Variants in HS6ST3 observed in about 807,000 individuals in gnomAD.
The protein encoded by HS6ST3 is heparan-sulfate 6-O-sulfotransferase 3.
HS6ST3 carries 12 observed loss-of-function variants against 36.7 expected under a neutral mutation model. The observed-to-expected ratio is 0.33, with a 90% confidence interval of 0.21 to 0.53. The LOEUF is 0.53. Ranked by LOEUF, HS6ST3 falls within the 20% of genes least tolerant of loss-of-function variation. The pLI is 0.95. For synonymous variants in HS6ST3, 240 were observed against 257.5 expected, an observed-to-expected ratio of 0.93 and a Z score of 0.65; for missense variants, 584 against 640.9, an observed-to-expected ratio of 0.91 and a Z score of 0.96.
chr13:96,596,835 T>C (rs903569491), intron 1 of HS6ST3, among the ~76,000 whole-genome samples: 10 of 152,140 alleles, frequency 6.6e-5, no homozygotes, highest in African/African-American at 2.4e-4. Context: ...TCACTAAATG[T>C]ATACCCAAAG....
intron 1 of HS6ST3, among the ~76,000 whole-genome samples, chr13:96,589,486 T>A (rs1375609533): frequency 6.6e-6 from 1 of 152,082 alleles, no homozygotes; most frequent in Non-Finnish European, 1.5e-5. Context: ...AAAACACATT[T>A]TAGTTTTGTT....
chr13:96,691,264 A>G (rs1874949810), intron 1 of HS6ST3, among the ~76,000 whole-genome samples: 1 of 152,084 alleles, frequency 6.6e-6, no homozygotes, highest in South Asian at 2.1e-4. Flanking sequence ...CAGGCTACTG[A>G]AGATAAGGGA....
intron 1 of HS6ST3, among the ~76,000 whole-genome samples, chr13:96,207,926 C>G (rs1456804736): frequency 6.6e-6 from 1 of 152,104 alleles, no homozygotes; most frequent in Admixed American, 6.6e-5. Context: ...AGCAAACCAC[C>G]ATGGCATACA....
chr13:96,633,760 C>A (rs1292930758), intron 1 of HS6ST3, among the ~76,000 whole-genome samples: 1 of 152,108 alleles, frequency 6.6e-6, no homozygotes, highest in Non-Finnish European at 1.5e-5. Context: ...TAAGGTGATG[C>A]AAGAAATGCT....
chr13:96,517,290 G>T (rs1397454885), intron 1 of HS6ST3, among the ~76,000 whole-genome samples: 2 of 151,982 alleles, frequency 1.3e-5, no homozygotes, highest in Non-Finnish European at 2.9e-5. Context: ...TGAGGTGGGA[G>T]AATCACTTGG....
chr13:96,718,151 T>G (rs1375839044), intron 1 of HS6ST3, among the ~76,000 whole-genome samples: 1 of 152,152 alleles, frequency 6.6e-6, no homozygotes, highest in African/African-American at 2.4e-5. Flanking sequence ...TGCAAAGCAC[T>G]CTGTAGTACT....
At position 96,838,263 on chromosome 13, in the gene HS6ST3, G is replaced by A. The variant is rs139450404; in HGVS notation, c.*5065G>A. 1.3e-5 allele frequency: 2 copies of A among 152,074 alleles called. No homozygotes were observed. Among genetic ancestry groups the A allele is most frequent in the Non-Finnish European group, 2.9e-5 (2 of 68,018 alleles). 9.4% of individuals were successfully genotyped at this position (152,074 alleles called of 1,614,324 possible). On this transcript the variant is annotated 3_prime_UTR_variant, in exon 2 of 2. Coordinates refer to ENST00000376705, the MANE Select transcript of HS6ST3 (RefSeq NM_153456.4). ...TGTCCTCTAGAACTAGGGCAGCCTGGAAACATATGGACTATAATTATTTTA... is the reference window on the plus strand; with the variant it reads ...TGTCCTCTAGAACTAGGGCAGCCTGAAAACATATGGACTATAATTATTTTA...
chr13:96,799,513 C>T (rs1178032600), intron 1 of HS6ST3, among the ~76,000 whole-genome samples: 1 of 151,812 alleles, frequency 6.6e-6, no homozygotes, highest in African/African-American at 2.4e-5. Flanking sequence ...TCATCATTCT[C>T]AGTAAACTAT....
intron 1 of HS6ST3, among the ~76,000 whole-genome samples, chr13:96,543,956 T>C (rs1294456369): frequency 7.4e-6 from 1 of 135,118 alleles, no homozygotes; most frequent in South Asian, 2.3e-4. Flanking sequence ...TGGGGAGATA[T>C]ATATATATAT....
intron 1 of HS6ST3, among the ~76,000 whole-genome samples, chr13:96,301,445 T>G (rs1245294359): frequency 6.6e-6 from 1 of 152,112 alleles, no homozygotes; most frequent in Non-Finnish European, 1.5e-5. Context: ...CAAAGTGCAA[T>G]GGGAAGAAAG....
chr13:96,690,648 C>T (rs1032278004), intron 1 of HS6ST3, among the ~76,000 whole-genome samples: 5 of 152,058 alleles, frequency 3.3e-5, no homozygotes, highest in Admixed American at 3.3e-4. Flanking sequence ...CTGTCAAGGA[C>T]TTCTGAAATT....
intron 1 of HS6ST3, among the ~76,000 whole-genome samples, chr13:96,125,870 G>T (rs1386886173): frequency 1.3e-5 from 2 of 151,800 alleles, no homozygotes; most frequent in African/African-American, 4.8e-5. Context: ...ATGCTGGTGT[G>T]CTGCACCCAT....
chr13:96,304,711 CTTTT>C (rs61314597), intron 1 of HS6ST3, among the ~76,000 whole-genome samples: 9 of 89,338 alleles, frequency 1.0e-4, no homozygotes, highest in African/African-American at 3.1e-4. Context: ...TTCTTTCTTT[CTTTT>C]TTTTTTTTTT....
chr13:96,529,632 A>G (rs2056127848), intron 1 of HS6ST3, among the ~76,000 whole-genome samples: 1 of 152,132 alleles, frequency 6.6e-6, no homozygotes, highest in South Asian at 2.1e-4. Flanking sequence ...CTTGATCTTC[A>G]TAGCCATTAT....
chr13:96,613,486 T>A (rs1174284876), intron 1 of HS6ST3, among the ~76,000 whole-genome samples: 1 of 152,210 alleles, frequency 6.6e-6, no homozygotes, highest in Non-Finnish European at 1.5e-5. Context: ...TGCGTGGCAC[T>A]GAGAATGTGA....
chr13:96,591,002 G>GCAAACTT, intron 1 of HS6ST3, among the ~76,000 whole-genome samples: 1 of 150,778 alleles, frequency 6.6e-6, no homozygotes, highest in Non-Finnish European at 1.5e-5. Flanking sequence ...TTTGCTGTAG[G>GCAAACTT]TGTATAAATT....
intron 1 of HS6ST3, among the ~76,000 whole-genome samples, chr13:96,280,125 T>A (rs887995039): frequency 6.6e-6 from 1 of 152,182 alleles, no homozygotes; most frequent in Non-Finnish European, 1.5e-5. Context: ...AACATAAAGC[T>A]TGCTTTGTGT....
chr13:96,260,566 G>T (rs1406503933), intron 1 of HS6ST3, among the ~76,000 whole-genome samples: 1 of 152,004 alleles, frequency 6.6e-6, no homozygotes, highest in Admixed American at 6.6e-5. Flanking sequence ...ACCCACCTCG[G>T]CCTCCCAAAC....
chr13:96,530,251 C>A (rs2138933965), intron 1 of HS6ST3, among the ~76,000 whole-genome samples: 1 of 152,282 alleles, frequency 6.6e-6, no homozygotes, highest in East Asian at 1.9e-4. Flanking sequence ...CTCTTTTCAG[C>A]TCCCAAAGTA....
Sources: gnomAD v4.1 joint callset for allele counts (sites outside exome capture counted in the v4.1 genomes callset) on GRCh38, gnomAD v4.1.1 for gene constraint, MANE v1.5 for transcripts, NCBI Gene and HGNC (gene_info 2026-07-23, HGNC 2026-07-21) for gene names.